The following TSNARE1 variants were observed in gnomAD, a reference collection of about 807,000 sequenced individuals.
The protein encoded by TSNARE1 is t-SNARE domain containing 1, also known as t-SNARE domain-containing protein 1.
Under a neutral mutation model 62.0 loss-of-function variants are expected in TSNARE1, and 49 were observed. The observed-to-expected ratio is 0.79, with a 90% CI of 0.63 to 1.00. The LOEUF is 1.00. Among genes scored for constraint, TSNARE1 ranks in the 50% least tolerant of loss-of-function variants. TSNARE1 has a pLI of 0.00. For synonymous variants in TSNARE1, 328 were observed against 294.4 expected, an observed-to-expected ratio of 1.11 and a Z score of -1.17; for missense variants, 755 against 700.1, an observed-to-expected ratio of 1.08 and a Z score of -0.88.
chr8:142,278,832 G>C (rs749461884), intron 11 of TSNARE1: 21 of 981,096 alleles, frequency 2.1e-5, no homozygotes, highest in Admixed American at 6.1e-5. Flanking sequence ...GCAGAAGGAG[G>C]GGGAGGCCAC....
rs1022846711 is a variant in TSNARE1, at chr8:142,271,301, C to G, written c.1446+3480G>C. The G allele has an allele frequency of 1.0e-5, 11 of 1,097,824 alleles. No homozygotes were observed. In the African/African-American group the frequency reaches 1.5e-4, roughly 15 times the overall value. 68.0% of individuals were successfully genotyped at this position (1,097,824 alleles called of 1,614,324 possible). A position where few individuals can be genotyped will look rare whatever the true frequency, so the allele number is the denominator to read the frequency against. ...GAGGGCCTCCACGCCATCGGCCAGA[C>G]GCTGGCTCTGCTCGGCCAGCCGCTG... On this transcript the variant is annotated intron_variant, in intron 12 of 13. Transcript: ENST00000524325.
At chr8:142,326,222 G>A (rs541825300) in intron 6 of TSNARE1, 6 of 159,442 alleles carry the variant, frequency 3.8e-5, no homozygotes, top group Admixed American at 1.5e-4. Context: ...GGAGGGCCCT[G>A]GAGAGCATGA....
In TSNARE1 at chr8:142,319,328, G is replaced by A. The variant is rs1339813720; in HGVS notation, c.894-694C>T. On this transcript the variant is annotated intron_variant, in intron 6 of 13. Transcript: ENST00000524325. The surrounding 1 kb of genome is among the most constrained non-coding windows in gnomAD (Gnocchi z 4.9). ...CCCACCCCCCTGCACACCTCTGAGG[G>A]GTGCACACCTCTGAGGGGCCCCGGG... Among the ~76,000 whole-genome samples the A allele has an allele frequency of 6.6e-6, 1 of 151,846 alleles. No individual in the cohort carries two copies. The highest frequency in any genetic ancestry group is 1.5e-5 in the Non-Finnish European group (1 of 67,900).
intron 12 of TSNARE1, chr8:142,273,440 G>A (rs1405887473): frequency 6.1e-6 from 6 of 985,414 alleles, no homozygotes; most frequent in South Asian, 4.7e-5. Flanking sequence ...TGCCCTCAGC[G>A]ACTAGAGGTG....
At chr8:142,293,289 C>T (rs1445971031) in intron 10 of TSNARE1, among the ~76,000 whole-genome samples, 3 of 152,208 alleles carry the variant, frequency 2.0e-5, no homozygotes, top group South Asian at 2.1e-4. Flanking sequence ...GCCGCATTCC[C>T]GAGGCAGAGG....
chr8:142,217,934 C>T lies in TSNARE1; in HGVS notation c.*12-5621G>A, dbSNP rs111754494. 3.4e-4 allele frequency among the ~76,000 whole-genome samples: 20 copies of T among 58,458 alleles called. 1 individual carries two copies. The highest frequency in any genetic ancestry group is 8.3e-4 in the South Asian group (2 of 2,416). 38.4% of individuals were successfully genotyped at this position (58,458 alleles called of 152,430 possible). A position where few individuals can be genotyped will look rare whatever the true frequency, so the allele number is the denominator to read the frequency against. The stretch of plus-strand genomic sequence containing the variant: ...GCTCAGAGTGTGAACAGGATCAGGG[C>T]TCAGAGTATGAGCAGGATCAGGGCT... On this transcript the variant is annotated intron_variant, in intron 13 of 13. Coordinates refer to ENST00000524325, the MANE Select transcript of TSNARE1 (RefSeq NM_145003.5).
rs138836970 is a variant in TSNARE1 at position 142,290,352 on chromosome 8, G to C, written c.1291-5867C>G. On this transcript the variant is annotated intron_variant, in intron 10 of 13. Coordinates refer to ENST00000524325, the MANE Select transcript of TSNARE1 (RefSeq NM_145003.5). ...AGGGCGGGAGAGCGGGGAAGACCCA[G>C]AACTTAGTAGATGGTTAAATCATGC... 1.2e-4 allele frequency among the ~76,000 whole-genome samples: 18 copies of C among 152,330 alleles called. 1 individual carries two copies. In the East Asian group the frequency reaches 3.5e-3, roughly 29 times the overall value.
At chr8:142,342,233 G>A (rs1258613932) in intron 4 of TSNARE1, among the ~76,000 whole-genome samples, 1 of 152,252 alleles carries the variant, frequency 6.6e-6, no homozygotes, top group Admixed American at 6.5e-5. Flanking sequence ...CAAGTGACTC[G>A]GGGCCGGGAC....
intron 12 of TSNARE1, among the ~76,000 whole-genome samples, chr8:142,253,764 G>T (rs1419536526): frequency 6.6e-6 from 1 of 152,218 alleles, no homozygotes; most frequent in African/African-American, 2.4e-5. Flanking sequence ...AGGACCCTGC[G>T]GCTGGTCAGT....
At chr8:142,378,348 G>A (rs758661556) in intron 1 of TSNARE1, among the ~76,000 whole-genome samples, 7 of 152,236 alleles carry the variant, frequency 4.6e-5, no homozygotes, top group African/African-American at 9.6e-5. Flanking sequence ...TGTGGTGACA[G>A]AACTCAGAAA....
intron 1 of TSNARE1, among the ~76,000 whole-genome samples, chr8:142,356,368 G>A (rs1193727932): frequency 6.6e-6 from 1 of 152,230 alleles, no homozygotes; most frequent in Admixed American, 6.5e-5. Flanking sequence ...CACGCTGCCT[G>A]GAATGGGGAG....
At chr8:142,385,396 G>A (rs575552741) in intron 1 of TSNARE1, among the ~76,000 whole-genome samples, 15 of 152,306 alleles carry the variant, frequency 9.8e-5, no homozygotes, top group African/African-American at 3.4e-4. Flanking sequence ...AGCTGACAGA[G>A]GAGATGCCGT....
At position 142,278,565 on chromosome 8, in the gene TSNARE1, G is replaced by A. The variant is rs1051278241; in HGVS notation, c.1364-3702C>T. ...TGGCACGGTGTCTTGAGGAGGAGAGGAGGTGCGGTGGGAGGAGGCACGGAG... is the reference window on the plus strand; with the variant it reads ...TGGCACGGTGTCTTGAGGAGGAGAGAAGGTGCGGTGGGAGGAGGCACGGAG... On this transcript the variant is annotated intron_variant, in intron 11 of 13. Coordinates refer to ENST00000524325, the MANE Select transcript of TSNARE1 (RefSeq NM_145003.5). 37 of 985,436 alleles carry A rather than the reference G, an allele frequency of 3.8e-5. No individual in the cohort carries two copies. In the South Asian group the frequency reaches 5.6e-4, roughly 15 times the overall value. The allele number at this position is 985,436 out of a possible 1,614,324, so 61.0% of individuals were successfully genotyped here.
intron 12 of TSNARE1, among the ~76,000 whole-genome samples, chr8:142,230,791 TCCATCCATCCA>T (rs1563763628): frequency 6.6e-6 from 1 of 151,312 alleles, no homozygotes; most frequent in Non-Finnish European, 1.5e-5. Context: ...CATCCATCCA[TCCATCCATCCA>T]TCCACCCACT....
intron 6 of TSNARE1, 53 bp downstream of exon 6, chr8:142,330,848 C>T: frequency 6.3e-7 from 1 of 1,586,260 alleles, no homozygotes; most frequent in Non-Finnish European, 8.7e-7. Context: ...CCGCCCCTGC[C>T]CCCCAATGTG....
intron 13 of TSNARE1, among the ~76,000 whole-genome samples, chr8:142,217,641 T>C (rs1428312493): frequency 6.6e-6 from 1 of 152,254 alleles, no homozygotes; most frequent in African/African-American, 2.4e-5. Flanking sequence ...GCATGCACCA[T>C]GCTTTCTGGC....
chr8:142,345,906 G>A lies in TSNARE1; in HGVS notation c.89-14C>T. 6.2e-7 allele frequency: 1 copy of A among 1,610,666 alleles called. No individual in the cohort carries two copies. The highest frequency in any genetic ancestry group is 1.3e-5 in the African/African-American group (1 of 74,908). On this transcript the variant is annotated splice_polypyrimidine_tract_variant and intron_variant, in intron 2 of 13. Transcript: ENST00000524325. Reference sequence around the variant, plus strand: ...ATCTAGCGCACTCTACGGACAGCAAGGGACAGTCACGATTACTCTCAGCTC... The same window carrying A: ...ATCTAGCGCACTCTACGGACAGCAAAGGACAGTCACGATTACTCTCAGCTC...
chr8:142,381,744 C>T (rs118080113), intron 1 of TSNARE1, among the ~76,000 whole-genome samples: 2,450 of 152,272 alleles, frequency 0.016, 30 homozygotes, highest in East Asian at 0.066. Flanking sequence ...TAAGCAAGTC[C>T]CCAACCCCAG....
chr8:142,358,172 C>T (rs1834894374), intron 1 of TSNARE1, among the ~76,000 whole-genome samples: 2 of 80,004 alleles, frequency 2.5e-5, no homozygotes, highest in South Asian at 9.3e-4. Context: ...GAACAGCCAG[C>T]GGCCATCACT....
Sources: gnomAD v4.1 joint callset for allele counts (sites outside exome capture counted in the v4.1 genomes callset) on GRCh38, gnomAD v4.1.1 for gene constraint, Gnocchi (gnomAD v3.1) non-coding constraint, MANE v1.5 for transcripts, NCBI Gene and HGNC (gene_info 2026-07-23, HGNC 2026-07-21) for gene names.